Variants in COG5 observed in about 807,000 individuals in gnomAD.
COG5 encodes conserved oligomeric Golgi complex subunit 5.
COG5 carries 86 observed loss-of-function variants against 110.4 expected under a neutral mutation model. The observed-to-expected ratio is 0.78, with a 90% CI of 0.65 to 0.93. The LOEUF (loss-of-function observed/expected upper bound fraction) is 0.93, where lower values mean the gene tolerates loss of function less well. Ranked by LOEUF, COG5 falls within the 40% of genes least tolerant of loss-of-function variation. The pLI is 0.00. For missense variants in COG5, 1,077 were observed against 987.0 expected (o/e 1.09, Z -1.22); for synonymous variants, 360 against 334.6 (o/e 1.08, Z -0.83).
chr7:107,234,654 G>A (rs1801033220), intron 18 of COG5, among the ~76,000 whole-genome samples: 1 of 152,074 alleles, frequency 6.6e-6, no homozygotes, highest in African/African-American at 2.4e-5. Flanking sequence ...AGAACCAGCT[G>A]GAGCAGAATG....
intron 6 of COG5, among the ~76,000 whole-genome samples, chr7:107,458,699 A>C (rs1350084664): frequency 6.6e-6 from 1 of 152,100 alleles, no homozygotes; most frequent in East Asian, 1.9e-4. Context: ...CTCTACAAAA[A>C]TACACAAAAA....
chr7:107,429,768 G>T (rs994401556), intron 6 of COG5, among the ~76,000 whole-genome samples: 1 of 152,116 alleles, frequency 6.6e-6, no homozygotes, highest in Non-Finnish European at 1.5e-5. Flanking sequence ...TTTTATGAAG[G>T]AGAGTTTCCC....
chr7:107,278,668 C>T (rs1423218166), intron 14 of COG5, among the ~76,000 whole-genome samples: 1 of 152,088 alleles, frequency 6.6e-6, no homozygotes, highest in African/African-American at 2.4e-5. Context: ...ACAAACCTGA[C>T]AAAAACAAGC....
At chr7:107,499,163 G>A (rs1584898672) in intron 6 of COG5, among the ~76,000 whole-genome samples, 1 of 152,112 alleles carries the variant, frequency 6.6e-6, no homozygotes, top group East Asian at 1.9e-4. Context: ...GAAATGAGGA[G>A]TTGTTAATCA....
chr7:107,506,601 C>A (rs2129140245), intron 6 of COG5, among the ~76,000 whole-genome samples: 1 of 152,240 alleles, frequency 6.6e-6, no homozygotes, highest in Non-Finnish European at 1.5e-5. Flanking sequence ...CCCAGCTCAC[C>A]CAGCTCCCCG....
intron 17 of COG5, among the ~76,000 whole-genome samples, chr7:107,239,886 C>A (rs1452360395): frequency 6.6e-6 from 1 of 152,104 alleles, no homozygotes; most frequent in East Asian, 1.9e-4. Context: ...TGGTTTGTGG[C>A]CAAATAGAAG....
rs1279503693 is a variant in COG5 at position 107,318,018 on chromosome 7, TTTTC to T, written c.1108+6418_1108+6421del. On this transcript the variant is annotated intron_variant, in intron 11 of 21. Coordinates refer to ENST00000297135, the MANE Select transcript of COG5 (RefSeq NM_006348.5). ...AATTTTTAAAGTATGCTAATGGCTT[TTTTC>T]TTTCTTTCTTTCTTTCTTTTTTTTG... Among the ~76,000 whole-genome samples, 272 of 152,172 alleles carry T rather than the reference TTTTC, an allele frequency of 1.8e-3. 1 individual carries two copies. The highest frequency in any genetic ancestry group is 6.1e-3 in the African/African-American group (252 of 41,538).
chr7:107,230,201 T>C (rs1328645292), intron 19 of COG5, among the ~76,000 whole-genome samples: 1 of 152,170 alleles, frequency 6.6e-6, no homozygotes, highest in African/African-American at 2.4e-5. Context: ...CATATCCATA[T>C]CTTGGAATGT....
intron 7 of COG5, among the ~76,000 whole-genome samples, chr7:107,410,614 G>T (rs895199331): frequency 6.6e-6 from 1 of 151,910 alleles, no homozygotes; most frequent in African/African-American, 2.4e-5. Context: ...GGCTAATTTT[G>T]TATTTTTAGT....
At chr7:107,328,341 A>G (rs1373405645) in intron 10 of COG5, among the ~76,000 whole-genome samples, 1 of 152,230 alleles carries the variant, frequency 6.6e-6, no homozygotes, top group Non-Finnish European at 1.5e-5. Flanking sequence ...ATACAGTACT[A>G]CAGTCTTATG....
rs565990382 is a variant in COG5, at chr7:107,372,769, A to C, written c.670-9T>G. 143 of 1,613,392 alleles carry C rather than the reference A, an allele frequency of 8.9e-5. No individual in the cohort carries two copies. In the South Asian group the frequency reaches 1.5e-3, roughly 17 times the overall value. ...CCGACTTGAGTTGGATTCTTAAAAA[A>C]AGGTGGGGTGGGGTGGAAACAGATA... On this transcript the variant is annotated splice_polypyrimidine_tract_variant and intron_variant, in intron 7 of 21. Transcript: ENST00000297135.
chr7:107,557,841 C>T (rs924534573), intron 2 of COG5, 135 bp downstream of exon 2: 1 of 1,194,406 alleles, frequency 8.4e-7, no homozygotes, highest in Non-Finnish European at 1.2e-6. Context: ...CAAAAATTTA[C>T]TTTGAAAAAT....
intron 15 of COG5, among the ~76,000 whole-genome samples, chr7:107,257,157 TC>T (rs1293339778): frequency 2.6e-5 from 4 of 152,090 alleles, no homozygotes; most frequent in Admixed American, 1.3e-4. Flanking sequence ...TTCCAACAAG[TC>T]TTTAAAATAA....
chr7:107,547,385 C>T (rs746226779), intron 5 of COG5, among the ~76,000 whole-genome samples: 1 of 152,094 alleles, frequency 6.6e-6, no homozygotes, highest in Non-Finnish European at 1.5e-5. Flanking sequence ...GCAATAGAGG[C>T]CATATACGAC....
intron 6 of COG5, among the ~76,000 whole-genome samples, chr7:107,463,515 T>A (rs1796124153): frequency 6.6e-6 from 1 of 152,218 alleles, no homozygotes. Context: ...AATCTGTAAG[T>A]ATTCATAGTG....
intron 17 of COG5, among the ~76,000 whole-genome samples, chr7:107,238,969 A>G (rs1413044536): frequency 6.6e-6 from 1 of 152,166 alleles, no homozygotes; most frequent in African/African-American, 2.4e-5. Context: ...TTTGCTGTTC[A>G]GAAGCTTTTT....
chr7:107,416,407 G>A (rs569893392), intron 6 of COG5, among the ~76,000 whole-genome samples: 51 of 151,888 alleles, frequency 3.4e-4, no homozygotes, highest in Non-Finnish European at 6.3e-4. Flanking sequence ...AACACACACA[G>A]CAACAGGTAA....
intron 6 of COG5, among the ~76,000 whole-genome samples, chr7:107,490,568 AAT>A (rs1797919696): frequency 6.6e-6 from 1 of 152,122 alleles, no homozygotes; most frequent in South Asian, 2.1e-4. Flanking sequence ...ATATCACACA[AAT>A]TTGTTGTTTA....
intron 6 of COG5, among the ~76,000 whole-genome samples, chr7:107,432,749 G>A: frequency 6.6e-6 from 1 of 151,882 alleles, no homozygotes; most frequent in East Asian, 1.9e-4. Flanking sequence ...AAAGTCCAGG[G>A]ATGCATCCAT....
Sources: allele counts gnomAD v4.1 joint callset (sites outside exome capture counted in the v4.1 genomes callset), GRCh38; gene constraint gnomAD v4.1.1; transcripts MANE v1.5; gene names NCBI Gene and HGNC (gene_info 2026-07-23, HGNC 2026-07-21).